The following NUGGC variants were observed in gnomAD, a reference collection of about 807,000 sequenced individuals.
The protein encoded by NUGGC is nuclear GTPase SLIP-GC.
NUGGC carries 58 observed loss-of-function variants against 92.6 expected under a neutral mutation model. The ratio of observed to expected loss-of-function variants is 0.63; its 90% CI spans 0.51 to 0.78. The LOEUF is 0.78. Among genes scored for constraint, NUGGC ranks in the 30% least tolerant of loss-of-function variants. The pLI is 0.00. For missense variants in NUGGC, 925 were observed against 964.6 expected (o/e 0.96, Z 0.54); for synonymous variants, 376 against 366.4 (o/e 1.03, Z -0.30).
At chr8:28,030,758 G>A (rs1809397237) in intron 15 of NUGGC, among the ~76,000 whole-genome samples, 1 of 152,208 alleles carries the variant, frequency 6.6e-6, no homozygotes, top group Admixed American at 6.5e-5. Context: ...TGTAATTTGA[G>A]GTGGCACTGG....
At chr8:28,063,509 G>A (rs1458748094) in intron 7 of NUGGC, among the ~76,000 whole-genome samples, 3 of 152,218 alleles carry the variant, frequency 2.0e-5, no homozygotes, top group Non-Finnish European at 4.4e-5. Flanking sequence ...CGACCAAGGG[G>A]AAGGACACAG....
intron 13 of NUGGC, among the ~76,000 whole-genome samples, chr8:28,035,324 G>A (rs1201668967): frequency 1.3e-5 from 2 of 152,182 alleles, no homozygotes; most frequent in African/African-American, 2.4e-5. Context: ...AAAACAAACA[G>A]TAAACGCCTG....
chr8:28,033,566 G>T lies in NUGGC; in HGVS notation c.1743C>A (p.Ile581=), dbSNP rs762937815. The T allele has an allele frequency of 6.2e-7, 1 of 1,613,784 alleles. No individual in the cohort carries two copies. The highest frequency in any genetic ancestry group is 8.5e-7 in the Non-Finnish European group (1 of 1,179,842). The part of the protein sequence containing the change: ...EALTQPVYDQ[I]DPVFGSIFRT... ...TAAAAATGCTTCCAAAAACAGGGTCGATCTGGTCATAGACGGGCTGAGTGA... is the reference window on the plus strand; with the variant it reads ...TAAAAATGCTTCCAAAAACAGGGTCTATCTGGTCATAGACGGGCTGAGTGA... Residue 581 remains isoleucine (I), a synonymous_variant, in exon 14 of 19, where the codon ATC becomes ATA. Coordinates refer to ENST00000413272, the MANE Select transcript of NUGGC (RefSeq NM_001010906.2).
At chr8:28,045,363 G>T (rs529243262) in intron 12 of NUGGC, among the ~76,000 whole-genome samples, 164 bp downstream of exon 12, 2 of 152,244 alleles carry the variant, frequency 1.3e-5, no homozygotes, top group Admixed American at 6.5e-5. Flanking sequence ...CAAATGTTAT[G>T]ATTTTAACCC....
At chr8:28,044,661 T>C (rs1020762977) in intron 12 of NUGGC, among the ~76,000 whole-genome samples, 1 of 152,224 alleles carries the variant, frequency 6.6e-6, no homozygotes, top group Admixed American at 6.5e-5. Context: ...TTTAGCCTCC[T>C]GGGTTGTTAT....
chr8:28,041,377 C>G (rs907085845), intron 12 of NUGGC, among the ~76,000 whole-genome samples, 162 bp from the exon 13 acceptor site: 1 of 152,206 alleles, frequency 6.6e-6, no homozygotes, highest in Non-Finnish European at 1.5e-5. Flanking sequence ...AGTGCACAGA[C>G]CCCTTTAGGC....
At chr8:28,038,148 G>T (rs1809603904) in intron 13 of NUGGC, among the ~76,000 whole-genome samples, 1 of 152,138 alleles carries the variant, frequency 6.6e-6, no homozygotes, top group Non-Finnish European at 1.5e-5. Context: ...GGCTAAGAAT[G>T]GCTTCAGTTA....
intron 14 of NUGGC, among the ~76,000 whole-genome samples, chr8:28,032,789 C>T (rs28452718): frequency 6.6e-6 from 1 of 150,598 alleles, no homozygotes; most frequent in Non-Finnish European, 1.5e-5. Context: ...CAAGGAGGTA[C>T]AGTCCCCAAA....
intron 12 of NUGGC, among the ~76,000 whole-genome samples, chr8:28,043,595 A>G (rs1453366908): frequency 6.6e-6 from 1 of 152,144 alleles, no homozygotes; most frequent in Admixed American, 6.5e-5. Context: ...CTTCTCCTCT[A>G]TGTTTTCCAC....
At chr8:28,056,105 T>G (rs1810128234) in intron 9 of NUGGC, 51 bp from the exon 10 acceptor site, 2 of 1,033,446 alleles carry the variant, frequency 1.9e-6, no homozygotes, top group Non-Finnish European at 2.9e-6. Context: ...TTATCAACAG[T>G]GATGAGGTGG....
At chr8:28,065,467 G>A (rs773866859) in intron 6 of NUGGC, among the ~76,000 whole-genome samples, 54 of 152,140 alleles carry the variant, frequency 3.5e-4, no homozygotes, top group Non-Finnish European at 6.2e-4. Context: ...GCCGAAATTG[G>A]ATCTTAAAAA....
intron 5 of NUGGC, 134 bp from the exon 6 acceptor site, chr8:28,067,878 C>A: frequency 1.4e-6 from 1 of 701,758 alleles, no homozygotes; most frequent in South Asian, 1.9e-5. Context: ...TATCTGGGGT[C>A]TCGAAGAGGG....
chr8:28,036,668 T>C (rs1809562149), intron 13 of NUGGC, among the ~76,000 whole-genome samples: 1 of 152,212 alleles, frequency 6.6e-6, no homozygotes, highest in African/African-American at 2.4e-5. Context: ...CCCAAAAATG[T>C]TGCCACCTTG....
chr8:28,025,333 T>C lies in NUGGC; in HGVS notation c.2245+1629A>G, dbSNP rs565445635. On this transcript the variant is annotated intron_variant, in intron 18 of 18. Transcript: ENST00000413272. Reference sequence around the variant, plus strand: ...CATGATGTATATTTGCTGTCGATGGTGAAGAGAAGGAAATAGGCTTAAATT... The same window carrying C: ...CATGATGTATATTTGCTGTCGATGGCGAAGAGAAGGAAATAGGCTTAAATT... 5.9e-5 allele frequency among the ~76,000 whole-genome samples: 9 copies of C among 152,288 alleles called. No individual in the cohort carries two copies. The East Asian group carries it at 1.7e-3, about 29-fold the overall frequency.
intron 10 of NUGGC, among the ~76,000 whole-genome samples, chr8:28,054,371 A>G (rs2130179901): frequency 6.6e-6 from 1 of 152,220 alleles, no homozygotes; most frequent in South Asian, 2.1e-4. Context: ...AATCCCAGCT[A>G]CTTGGGAGGC....
At chr8:28,063,450 ATC>A (rs1393166327) in intron 7 of NUGGC, among the ~76,000 whole-genome samples, 1 of 152,152 alleles carries the variant, frequency 6.6e-6, no homozygotes, top group African/African-American at 2.4e-5. Context: ...CCACCCCAGG[ATC>A]CGAGGTCTTG....
At chr8:28,059,456 T>A (rs572755738) in intron 8 of NUGGC, among the ~76,000 whole-genome samples, 1 of 152,330 alleles carries the variant, frequency 6.6e-6, no homozygotes, top group South Asian at 2.1e-4. Context: ...TTTGTTATAA[T>A]ACAACTCTTA....
At chr8:28,069,747 GA>G (rs751948684) in intron 3 of NUGGC, 95 bp from the exon 4 acceptor site, 1,629 of 656,442 alleles carry the variant, frequency 2.5e-3, no homozygotes, top group South Asian at 3.3e-3. Flanking sequence ...GCAGAGAAGG[GA>G]AAAAAAAAAT....
chr8:28,045,516 G>C lies in NUGGC; in HGVS notation c.1446+11C>G. The C allele has an allele frequency of 2.5e-6, 4 of 1,610,244 alleles. No individual in the cohort carries two copies. Among genetic ancestry groups the C allele is most frequent in the African/African-American group, 1.3e-5 (1 of 74,930 alleles). Reference sequence around the variant, plus strand: ...AAGGGGGAGAATATGAAAACCCAGTGTCTTCCATACCGGCAGGTTTTGCGT... The same window carrying C: ...AAGGGGGAGAATATGAAAACCCAGTCTCTTCCATACCGGCAGGTTTTGCGT... On this transcript the variant is annotated intron_variant, in intron 12 of 18. Transcript: ENST00000413272.
Sources: allele counts gnomAD v4.1 joint callset (sites outside exome capture counted in the v4.1 genomes callset), GRCh38; gene constraint gnomAD v4.1.1; transcripts MANE v1.5; gene names NCBI Gene and HGNC (gene_info 2026-07-23, HGNC 2026-07-21).